ASAP2: variants seen among roughly 807,000 people sequenced by gnomAD.
ASAP2 encodes ArfGAP with SH3 domain, ankyrin repeat and PH domain 2, also known as arf-GAP with SH3 domain, ANK repeat and PH domain-containing protein 2.
ASAP2 carries 45 observed loss-of-function variants against 131.4 expected under a neutral mutation model. The observed-to-expected ratio is 0.34, with a 90% CI of 0.27 to 0.44. The LOEUF is 0.44. ASAP2 is among the 20% of genes least tolerant of loss of function. ASAP2 has a pLI of 1.00. For synonymous variants in ASAP2, 510 were observed against 503.0 expected, an observed-to-expected ratio of 1.01 and a Z score of -0.19; for missense variants, 1,011 against 1,297.0, an observed-to-expected ratio of 0.78 and a Z score of 3.39.
chr2:9,296,906 C>T (rs1189320600), intron 2 of ASAP2, among the ~76,000 whole-genome samples: 1 of 152,152 alleles, frequency 6.6e-6, no homozygotes, highest in Non-Finnish European at 1.5e-5. Context: ...AATCAGAGTC[C>T]TGGGCTGCAG....
intron 2 of ASAP2, among the ~76,000 whole-genome samples, 190 bp from the exon 3 acceptor site, chr2:9,297,110 T>C (rs937756041): frequency 6.6e-6 from 1 of 152,108 alleles, no homozygotes; most frequent in East Asian, 1.9e-4. Context: ...CACTTGTTCT[T>C]TGGGATCTGT....
chr2:9,242,833 G>A (rs1197736244), intron 1 of ASAP2, among the ~76,000 whole-genome samples: 1 of 152,184 alleles, frequency 6.6e-6, no homozygotes, highest in Non-Finnish European at 1.5e-5. Context: ...TCCGATGATT[G>A]TCAGGTGAGA....
intron 1 of ASAP2, among the ~76,000 whole-genome samples, chr2:9,213,075 A>C (rs184914717): frequency 6.6e-6 from 1 of 152,356 alleles, no homozygotes; most frequent in Non-Finnish European, 1.5e-5. Context: ...ACAGTTACGT[A>C]ACAACCTTAG....
At chr2:9,265,867 G>C (rs1483241387) in intron 1 of ASAP2, among the ~76,000 whole-genome samples, 1 of 152,156 alleles carries the variant, frequency 6.6e-6, no homozygotes, top group Non-Finnish European at 1.5e-5. Flanking sequence ...CCACCTCCCC[G>C]GTTCAAGTGA....
intron 15 of ASAP2, among the ~76,000 whole-genome samples, chr2:9,363,310 C>G (rs946849614): frequency 1.3e-5 from 2 of 152,046 alleles, no homozygotes; most frequent in Non-Finnish European, 2.9e-5. Context: ...GGGTAAATAC[C>G]CAGAAGTGGG....
At chr2:9,209,283 T>C (rs1026426833) in intron 1 of ASAP2, among the ~76,000 whole-genome samples, 6 of 152,264 alleles carry the variant, frequency 3.9e-5, no homozygotes, top group Non-Finnish European at 8.8e-5. Context: ...TATAACTAAA[T>C]TTGAAAGTTG....
At chr2:9,349,766 A>G (rs1372943959) in intron 11 of ASAP2, among the ~76,000 whole-genome samples, 2 of 151,982 alleles carry the variant, frequency 1.3e-5, no homozygotes, top group Admixed American at 1.3e-4. Flanking sequence ...CAACTCTCCC[A>G]CCCTAACTCT....
At chr2:9,298,480 C>T (rs999644371) in intron 3 of ASAP2, among the ~76,000 whole-genome samples, 1 of 152,186 alleles carries the variant, frequency 6.6e-6, no homozygotes, top group Non-Finnish European at 1.5e-5. Context: ...TTTCTCTGCT[C>T]GAGCTTTTCA....
Position 9,308,996 on chromosome 2 carries a change from C to A in ASAP2, c.346-9528C>A, listed in dbSNP as rs1343177378. On this transcript the variant is annotated intron_variant, in intron 3 of 27. Transcript: ENST00000281419. ...AACAGAGAGCTGTCCTTTGAACCTG[C>A]CAGTCATACTCCTGCCCCAGGACCT... Among the ~76,000 whole-genome samples, 4 of 152,192 alleles carry A rather than the reference C, an allele frequency of 2.6e-5. No individual in the cohort carries two copies. The East Asian group carries it at 7.7e-4, about 29-fold the overall frequency.
At chr2:9,264,291 A>AT (rs1178953797) in intron 1 of ASAP2, among the ~76,000 whole-genome samples, 1 of 152,170 alleles carries the variant, frequency 6.6e-6, no homozygotes, top group African/African-American at 2.4e-5. Flanking sequence ...ATATTTTAGT[A>AT]TTTGGCCTTG....
At position 9,393,509 on chromosome 2, in the gene ASAP2, C is replaced by T. The variant is rs751678453; in HGVS notation, c.2546C>T (p.Pro849Leu). ...TNPLTPTPPP[P>L]VAKTPSVMEA... Reference sequence around the variant, plus strand: ...CCCCTGACCCCCACGCCGCCCCCACCCGTTGCCAAGACGCCCAGCGTAATG... The same window carrying T: ...CCCCTGACCCCCACGCCGCCCCCACTCGTTGCCAAGACGCCCAGCGTAATG... The change falls in exon 24 of 28, where the codon CCC (proline) becomes CTC (leucine). Residue 849 changes from proline to leucine, a missense_variant. This residue lies in a region of ASAP2 where 652 missense variants were observed against 698.9 expected (regional missense o/e 0.93). Coordinates refer to ENST00000281419, the MANE Select transcript of ASAP2 (RefSeq NM_003887.3). 1.9e-6 allele frequency: 3 copies of T among 1,606,960 alleles called. No homozygotes were observed. Among genetic ancestry groups the T allele is most frequent in the South Asian group, 1.1e-5 (1 of 89,888 alleles).
At chr2:9,327,413 G>A (rs180958165) in intron 6 of ASAP2, among the ~76,000 whole-genome samples, 8 of 152,246 alleles carry the variant, frequency 5.3e-5, no homozygotes, top group East Asian at 3.9e-4. Context: ...GTCTCAGGAC[G>A]AGAGACATGA....
At position 9,376,988 on chromosome 2, in the gene ASAP2, G is replaced by T. The variant is rs769078162; in HGVS notation, c.1827G>T (p.Gln609His). Residue 609 changes from glutamine to histidine, a missense_variant, in exon 18 of 28, where the codon CAG (glutamine) becomes CAT (histidine). Transcript: ENST00000281419. Reference protein sequence around the residue: ...TSLHIVDFLVQNSGNLDKQTG... With the variant: ...TSLHIVDFLVHNSGNLDKQTG... Reference sequence around the variant, plus strand: ...TTCACATTGTAGACTTTTTAGTTCAGAACAGGTAGGTGTTCTGAAATTAAG... The same window carrying T: ...TTCACATTGTAGACTTTTTAGTTCATAACAGGTAGGTGTTCTGAAATTAAG... 6.2e-7 allele frequency: 1 copy of T among 1,612,864 alleles called. No individual in the cohort carries two copies. Among genetic ancestry groups the T allele is most frequent in the East Asian group, 2.2e-5 (1 of 44,874 alleles).
At position 9,240,738 on chromosome 2, in the gene ASAP2, C is replaced by G. The variant is rs1160423188; in HGVS notation, c.126+33508C>G. Among the ~76,000 whole-genome samples, 2 of 152,184 alleles carry G rather than the reference C, an allele frequency of 1.3e-5. 1 individual carries two copies. Among genetic ancestry groups the G allele is most frequent in the East Asian group, 3.9e-4 (2 of 5,194 alleles). ...TCAGCATAGGAATTTTTCCTTAAGTCAAGGAGTTTCATCTTTTTACTTAAA... is the reference window on the plus strand; with the variant it reads ...TCAGCATAGGAATTTTTCCTTAAGTGAAGGAGTTTCATCTTTTTACTTAAA... On this transcript the variant is annotated intron_variant, in intron 1 of 27. Coordinates refer to ENST00000281419, the MANE Select transcript of ASAP2 (RefSeq NM_003887.3).
chr2:9,259,011 C>T (rs180833328), intron 1 of ASAP2, among the ~76,000 whole-genome samples: 28 of 152,306 alleles, frequency 1.8e-4, no homozygotes, highest in African/African-American at 6.3e-4. Context: ...GCTCTTCGGC[C>T]TTTCTCTGTG....
In ASAP2 at chr2:9,207,294, CCCGCAT is replaced by C. The variant is rs1661183289; in HGVS notation, c.126+73_126+78del. 12 of 1,455,554 alleles carry C rather than the reference CCCGCAT, an allele frequency of 8.2e-6. No individual in the cohort carries two copies. The East Asian group carries it at 3.2e-4, about 39-fold the overall frequency. 90.2% of individuals were successfully genotyped at this position (1,455,554 alleles called of 1,614,324 possible). A position where few individuals can be genotyped will look rare whatever the true frequency, so the allele number is the denominator to read the frequency against. On this transcript the variant is annotated intron_variant, in intron 1 of 27. Transcript: ENST00000281419. The surrounding 1 kb of genome is among the most constrained non-coding windows in gnomAD (Gnocchi z 4.1). ...CCGCGCCCCAGCCCCGCCCGCCGCTCCCGCATCCGCATCCCGAGAAAACTTTCTTTG... is the reference window on the plus strand; with the variant it reads ...CCGCGCCCCAGCCCCGCCCGCCGCTCCCGCATCCCGAGAAAACTTTCTTTG...
Position 9,400,019 on chromosome 2 carries a change from G to T in ASAP2, c.2685-4G>T. ...GTAAATCTACTTTTTCCCTGTCTTT[G>T]TAGGGCTGACAAGTCCACCCCACTG... is the stretch of plus-strand genomic sequence containing the variant. On this transcript the variant is annotated splice_region_variant and splice_polypyrimidine_tract_variant and intron_variant, in intron 24 of 27. Transcript: ENST00000281419. 1 of 1,613,248 alleles carries T rather than the reference G, an allele frequency of 6.2e-7. No individual in the cohort carries two copies. Among genetic ancestry groups the T allele is most frequent in the Non-Finnish European group, 8.5e-7 (1 of 1,179,618 alleles).
chr2:9,396,471 C>T (rs911954208), intron 24 of ASAP2, among the ~76,000 whole-genome samples: 3 of 151,930 alleles, frequency 2.0e-5, no homozygotes, highest in Non-Finnish European at 4.4e-5. Flanking sequence ...AGGTGGGGGT[C>T]TCCTTATGTT....
intron 1 of ASAP2, among the ~76,000 whole-genome samples, chr2:9,267,963 C>T (rs922999564): frequency 4.0e-5 from 6 of 151,418 alleles, no homozygotes; most frequent in African/African-American, 9.7e-5. Context: ...ACTCCAAGCG[C>T]GCCCCGCAGG....
Sources: allele counts gnomAD v4.1 joint callset (sites outside exome capture counted in the v4.1 genomes callset), GRCh38; gene constraint gnomAD v4.1.1; regional missense constraint gnomAD v4.1.1; non-coding constraint Gnocchi (gnomAD v3.1); transcripts MANE v1.5; gene names NCBI Gene and HGNC (gene_info 2026-07-23, HGNC 2026-07-21).